Variants in AVEN observed in about 807,000 individuals in gnomAD.
AVEN encodes the protein cell death regulator Aven.
AVEN carries 41 observed loss-of-function variants against 38.1 expected under a neutral mutation model. The ratio of observed to expected loss-of-function variants is 1.08; its 90% CI spans 0.84 to 1.40. The LOEUF is 1.40. Ranked by LOEUF, AVEN falls within the 40% of genes most tolerant of loss-of-function variation. AVEN has a pLI of 0.00. For synonymous variants in AVEN, 206 were observed against 171.8 expected (o/e 1.20, Z -1.56); for missense variants, 605 against 438.8 (o/e 1.38, Z -3.38).
chr15:33,974,913 A>T (rs1434539920), intron 2 of AVEN, among the ~76,000 whole-genome samples: 2 of 152,198 alleles, frequency 1.3e-5, no homozygotes, highest in Non-Finnish European at 2.9e-5. Context: ...TGGAGCTTGC[A>T]GTGAGCCAAG....
chr15:34,057,608 A>C (rs926389601), intron 5 of AVEN, among the ~76,000 whole-genome samples: 6 of 152,134 alleles, frequency 3.9e-5, no homozygotes, highest in African/African-American at 7.2e-5. Flanking sequence ...AAAATCTGAG[A>C]CTCAGGTTAA....
chr15:34,044,086 TA>T (rs1451007454), upstream of AVEN, among the ~76,000 whole-genome samples: 2 of 147,536 alleles, frequency 1.4e-5, no homozygotes, highest in Non-Finnish European at 3.0e-5. Flanking sequence ...TTTCGCCCTT[TA>T]AAAAAAATGA....
intron 5 of AVEN, among the ~76,000 whole-genome samples, chr15:34,061,126 GA>G (rs991504075): frequency 6.6e-6 from 1 of 151,986 alleles, no homozygotes; most frequent in Non-Finnish European, 1.5e-5. Context: ...TCTCTAGAAG[GA>G]AAAATAAATG....
chr15:33,853,409 TTC>T, the AVEN span: 7 of 1,081,948 alleles, frequency 6.5e-6, no homozygotes, highest in South Asian at 2.1e-5. Flanking sequence ...TCTCTGGGTT[TTC>T]TCTTTTTTCT....
intron 1 of AVEN, among the ~76,000 whole-genome samples, chr15:34,072,705 G>C (rs1410087545): frequency 6.6e-6 from 1 of 151,334 alleles, no homozygotes; most frequent in Non-Finnish European, 1.5e-5. Flanking sequence ...CTGGAGTGCA[G>C]TGGCCAGATC....
intron 2 of AVEN, among the ~76,000 whole-genome samples, chr15:33,904,075 T>C (rs1892592638): frequency 6.6e-6 from 1 of 152,228 alleles, no homozygotes; most frequent in Admixed American, 6.5e-5. Flanking sequence ...TGGTCCATGA[T>C]TGACCAAAAC....
chr15:33,964,480 C>T (rs570402552), intron 2 of AVEN, among the ~76,000 whole-genome samples: 1 of 152,186 alleles, frequency 6.6e-6, no homozygotes, highest in Non-Finnish European at 1.5e-5. Context: ...AAAATGCAAT[C>T]TTTTTTTCTC....
chr15:33,860,674 A>G, intron 11 of AVEN: 1 of 1,546,196 alleles, frequency 6.5e-7, no homozygotes, highest in Non-Finnish European at 8.8e-7. Flanking sequence ...TGTTACTCTA[A>G]CTACTAATCC....
chr15:33,913,342 A>G (rs947879648), intron 2 of AVEN, among the ~76,000 whole-genome samples: 9 of 152,262 alleles, frequency 5.9e-5, no homozygotes, highest in Non-Finnish European at 1.0e-4. Context: ...ATATATACAT[A>G]CAGGTCCAAA....
intron 5 of AVEN, chr15:34,046,477 A>G (rs1438916359): frequency 6.6e-6 from 1 of 152,208 alleles, no homozygotes; most frequent in African/African-American, 2.4e-5. Context: ...ATGTTACTGC[A>G]CATTGCAGTT....
intron 2 of AVEN, among the ~76,000 whole-genome samples, chr15:33,877,410 G>A (rs1052699675): frequency 6.6e-6 from 1 of 152,240 alleles, no homozygotes; most frequent in South Asian, 2.1e-4. Flanking sequence ...ACAATGCTGT[G>A]TGTCTGGAAA....
intron 2 of AVEN, among the ~76,000 whole-genome samples, chr15:33,959,360 C>T (rs1056504466): frequency 1.3e-5 from 2 of 152,180 alleles, no homozygotes; most frequent in Non-Finnish European, 2.9e-5. Flanking sequence ...CACTTCCCTG[C>T]TTATGACCTT....
chr15:34,055,218 G>T (rs932747353), intron 5 of AVEN, among the ~76,000 whole-genome samples: 1 of 151,470 alleles, frequency 6.6e-6, no homozygotes, highest in Admixed American at 6.6e-5. Flanking sequence ...AATAAACAAG[G>T]CCAGGCCCGG....
chr15:34,045,604 A>G (rs965173772), intron 5 of AVEN, among the ~76,000 whole-genome samples: 5 of 152,172 alleles, frequency 3.3e-5, no homozygotes, highest in Non-Finnish European at 7.4e-5. Flanking sequence ...TGATGTCCCA[A>G]TATCACTGGG....
At chr15:33,878,395 A>G (rs1228602649) in intron 2 of AVEN, among the ~76,000 whole-genome samples, 2 of 152,192 alleles carry the variant, frequency 1.3e-5, no homozygotes, top group Admixed American at 6.5e-5. Context: ...GCGGCAGATG[A>G]TATCTGTGCA....
At chr15:33,941,542 C>T (rs1312768431) in intron 2 of AVEN, among the ~76,000 whole-genome samples, 1 of 152,132 alleles carries the variant, frequency 6.6e-6, no homozygotes. Context: ...TATATCTTGT[C>T]TGGTTGTTCT....
chr15:33,926,372 T>C (rs866776126), intron 2 of AVEN, among the ~76,000 whole-genome samples: 7 of 152,124 alleles, frequency 4.6e-5, no homozygotes, highest in East Asian at 1.9e-4. Flanking sequence ...CTTGTGAGGA[T>C]TGGGATCACG....
At chr15:33,982,586 T>C (rs1350783131) in intron 2 of AVEN, among the ~76,000 whole-genome samples, 1 of 152,208 alleles carries the variant, frequency 6.6e-6, no homozygotes, top group Non-Finnish European at 1.5e-5. Context: ...TTTAAGATTT[T>C]ACAATTTTTT....
intron 2 of AVEN, among the ~76,000 whole-genome samples, chr15:33,890,361 T>C (rs1891887844): frequency 6.6e-6 from 1 of 152,178 alleles, no homozygotes; most frequent in African/African-American, 2.4e-5. Flanking sequence ...AGTTAGTAAA[T>C]GTGCATTTAG....
Sources: allele counts gnomAD v4.1 joint callset (sites outside exome capture counted in the v4.1 genomes callset), GRCh38; gene constraint gnomAD v4.1.1; transcripts MANE v1.5; gene names NCBI Gene and HGNC (gene_info 2026-07-23, HGNC 2026-07-21).